The following DSCAML1 variants were observed in gnomAD, a reference collection of about 807,000 sequenced individuals.
DSCAML1 encodes the protein DS cell adhesion molecule like 1.
DSCAML1 carries 38 observed loss-of-function variants against 200.5 expected under a neutral mutation model. That is an observed-to-expected ratio of 0.19 (90% confidence interval 0.15 to 0.25). The LOEUF is 0.25. Among genes scored for constraint, DSCAML1 ranks in the 10% least tolerant of loss-of-function variants. DSCAML1 has a pLI of 1.00. For synonymous variants in DSCAML1, 1,215 were observed against 1,165.0 expected, an observed-to-expected ratio of 1.04 and a Z score of -0.87; for missense variants, 2,223 against 2,858.8, an observed-to-expected ratio of 0.78 and a Z score of 5.07.
chr11:117,741,854 T>C (rs1380065135), intron 3 of DSCAML1, among the ~76,000 whole-genome samples: 2 of 152,144 alleles, frequency 1.3e-5, no homozygotes, highest in African/African-American at 4.8e-5. Flanking sequence ...ACAAGCTCCA[T>C]ACCACAGGCA....
At chr11:117,488,493 G>A (rs1176834449) in intron 11 of DSCAML1, among the ~76,000 whole-genome samples, 1 of 151,990 alleles carries the variant, frequency 6.6e-6, no homozygotes, top group Non-Finnish European at 1.5e-5. Flanking sequence ...TGGGGAGATG[G>A]TCATATGCAC....
In DSCAML1 at chr11:117,437,962, C is replaced by T. The variant is rs779730459; in HGVS notation, c.4365G>A (p.Leu1455=). 5.0e-6 allele frequency: 8 copies of T among 1,613,912 alleles called. No homozygotes were observed. The Admixed American group carries it at 1.3e-4, about 27-fold the overall frequency. ...LKCGTWYKVK[L]AAKNSVGSGR... ...CAGAGCCCACGCTGTTCTTGGCTGC[C>T]AGCTTCACCTTGTACCACGTGCCAC... Residue 1455 remains leucine (L), a synonymous_variant, in exon 25 of 33, where the codon CTG becomes CTA. Transcript: ENST00000651296. The surrounding 1 kb of genome is among the most constrained non-coding windows in gnomAD (Gnocchi z 5.3).
intron 14 of DSCAML1, among the ~76,000 whole-genome samples, chr11:117,476,505 G>A (rs149049461): frequency 2.5e-4 from 38 of 152,272 alleles, no homozygotes; most frequent in African/African-American, 8.2e-4. Context: ...AGAACACCAT[G>A]CCATGCCAGG....
chr11:117,760,637 T>C (rs2054782399), intron 3 of DSCAML1, among the ~76,000 whole-genome samples: 1 of 152,252 alleles, frequency 6.6e-6, no homozygotes, highest in African/African-American at 2.4e-5. Context: ...TTTTTTGCTA[T>C]CACAAACATG....
In DSCAML1 at chr11:117,606,045, G is replaced by A. The variant is rs183618355; in HGVS notation, c.512-73523C>T. Among the ~76,000 whole-genome samples the A allele has an allele frequency of 2.0e-5, 3 of 152,202 alleles. No individual in the cohort carries two copies. In the East Asian group the frequency reaches 5.8e-4, roughly 29 times the overall value. ...GGCTTCCATTCTGTATAATAACAGG[G>A]GGCATGGAGCAGGGGGCTGAGCTTC... is the stretch of plus-strand genomic sequence containing the variant. On this transcript the variant is annotated intron_variant, in intron 3 of 32. Transcript: ENST00000651296.
chr11:117,582,362 CA>C (rs2051054743), intron 3 of DSCAML1, among the ~76,000 whole-genome samples: 1 of 152,128 alleles, frequency 6.6e-6, no homozygotes, highest in South Asian at 2.1e-4. Context: ...ACTAGCACAC[CA>C]AAAAGGCACT....
At chr11:117,639,082 T>C (rs4938423) in intron 3 of DSCAML1, among the ~76,000 whole-genome samples, 79,237 of 151,940 alleles carry the variant, frequency 0.52, 21,146 homozygotes, top group Admixed American at 0.66. Flanking sequence ...GTGTGGTAGG[T>C]GTGTTTTAAC....
Position 117,471,936 on chromosome 11 carries a change from C to T in DSCAML1, c.2886G>A (p.Met962Ile). 1.9e-6 allele frequency: 3 copies of T among 1,614,110 alleles called. No individual in the cohort carries two copies. Among genetic ancestry groups the T allele is most frequent in the African/African-American group, 2.7e-5 (2 of 75,044 alleles). ...TGCGGCCAATCTTGTTGAAAGAGTACATGCGGATGCTGTACACAGATGCCG... is the reference window on the plus strand; with the variant it reads ...TGCGGCCAATCTTGTTGAAAGAGTATATGCGGATGCTGTACACAGATGCCG... ...LHPASVYSIR[M>I]YSFNKIGRSE... is the part of the protein sequence containing the mutation. Residue 962 changes from methionine to isoleucine, a missense_variant, in exon 15 of 33, where the codon ATG (methionine) becomes ATA (isoleucine). This residue lies in a region of DSCAML1 where 438 missense variants were observed against 629.7 expected (regional missense o/e 0.70). Coordinates refer to ENST00000651296, the MANE Select transcript of DSCAML1 (RefSeq NM_020693.4).
intron 3 of DSCAML1, among the ~76,000 whole-genome samples, chr11:117,590,223 C>T (rs1054147065): frequency 3.3e-5 from 5 of 152,092 alleles, no homozygotes; most frequent in Admixed American, 1.3e-4. Context: ...GAGCCTTGCT[C>T]TGTTGCCCAG....
intron 3 of DSCAML1, among the ~76,000 whole-genome samples, chr11:117,678,722 T>G (rs2053260719): frequency 6.8e-6 from 1 of 146,860 alleles, no homozygotes. Flanking sequence ...CAGCACAGGT[T>G]GGCGTCTTTC....
chr11:117,721,813 T>TA (rs777069693), intron 3 of DSCAML1, among the ~76,000 whole-genome samples: 12,500 of 146,462 alleles, frequency 0.085, 899 homozygotes, highest in African/African-American at 0.19. Context: ...ATATATATAT[T>TA]TTTTTTTTTT....
intron 3 of DSCAML1, among the ~76,000 whole-genome samples, chr11:117,564,239 C>T (rs1018635755): frequency 1.4e-4 from 22 of 152,254 alleles, no homozygotes; most frequent in African/African-American, 5.3e-4. Context: ...ACTTAAACCT[C>T]TGCTGGTCTC....
intron 27 of DSCAML1, among the ~76,000 whole-genome samples, chr11:117,434,763 C>G (rs1446335842): frequency 6.6e-6 from 1 of 151,928 alleles, no homozygotes; most frequent in Non-Finnish European, 1.5e-5. Flanking sequence ...CTACTCACCA[C>G]CCATCTAGTC....
At chr11:117,720,199 A>T (rs2054019207) in intron 3 of DSCAML1, among the ~76,000 whole-genome samples, 1 of 152,190 alleles carries the variant, frequency 6.6e-6, no homozygotes, top group Admixed American at 6.5e-5. Context: ...AATGACACCC[A>T]GGCAGCCAGG....
intron 21 of DSCAML1, among the ~76,000 whole-genome samples, chr11:117,443,464 G>C (rs920473551): frequency 6.6e-6 from 1 of 152,358 alleles, no homozygotes; most frequent in South Asian, 2.1e-4. Flanking sequence ...ACCCCTGCCC[G>C]GTGTCCAGTT....
intron 3 of DSCAML1, among the ~76,000 whole-genome samples, chr11:117,594,406 A>C (rs1309375839): frequency 6.6e-6 from 1 of 152,230 alleles, no homozygotes; most frequent in African/African-American, 2.4e-5. Context: ...TTTTCAAACA[A>C]ACACCCTTGA....
At chr11:117,724,876 G>C (rs1394984108) in intron 3 of DSCAML1, among the ~76,000 whole-genome samples, 1 of 152,158 alleles carries the variant, frequency 6.6e-6, no homozygotes, top group African/African-American at 2.4e-5. Flanking sequence ...CTCCACAAGA[G>C]GCATGGGGGA....
intron 2 of DSCAML1, among the ~76,000 whole-genome samples, chr11:117,778,296 G>C (rs969246112): frequency 2.6e-5 from 4 of 152,244 alleles, no homozygotes; most frequent in African/African-American, 9.6e-5. Flanking sequence ...TCCAGATATG[G>C]GAGAGCACAG....
intron 3 of DSCAML1, among the ~76,000 whole-genome samples, chr11:117,717,415 G>A (rs1165517162): frequency 6.6e-6 from 1 of 152,184 alleles, no homozygotes; most frequent in Non-Finnish European, 1.5e-5. Context: ...AACTCCTCCT[G>A]TATCACTCAT....
Sources: gnomAD v4.1 joint callset for allele counts (sites outside exome capture counted in the v4.1 genomes callset) on GRCh38, gnomAD v4.1.1 for gene constraint, gnomAD v4.1.1 regional missense constraint, Gnocchi (gnomAD v3.1) non-coding constraint, MANE v1.5 for transcripts, NCBI Gene and HGNC (gene_info 2026-07-23, HGNC 2026-07-21) for gene names.